Variants in MFHAS1 observed in about 807,000 individuals in gnomAD.
MFHAS1 encodes the protein malignant fibrous histiocytoma-amplified sequence 1.
A neutral mutation model predicts 70.4 loss-of-function variants in MFHAS1; 50 were observed. The observed-to-expected ratio is 0.71, with a 90% CI of 0.57 to 0.90. MFHAS1 has a LOEUF of 0.90. Among genes scored for constraint, MFHAS1 ranks in the 40% least tolerant of loss-of-function variants. MFHAS1 has a pLI of 0.00. For missense variants in MFHAS1, 1,795 were observed against 1,347.6 expected, an observed-to-expected ratio of 1.33 and a Z score of -5.20; for synonymous variants, 952 against 620.0, an observed-to-expected ratio of 1.54 and a Z score of -7.96.
rs758770393 is a variant in MFHAS1, at chr8:8,892,923, CGGCCCCGGCCCCGGGGCA to C, written c.118_135del (p.Cys40_Ala45del). ...GGGGAGGCGGGGGACTCGAGCGCGT[CGGCCCCGGCCCCGGGGCA>C]GGCCCCGGCGGCGGTAAGCGTGAGC... On this transcript the variant is annotated inframe_deletion, in exon 1 of 3. Transcript: ENST00000276282. The surrounding 1 kb of genome is among the most constrained non-coding windows in gnomAD (Gnocchi z 4.7). 30 of 1,548,956 alleles carry C rather than the reference CGGCCCCGGCCCCGGGGCA, an allele frequency of 1.9e-5. No homozygotes were observed. Among genetic ancestry groups the C allele is most frequent in the African/African-American group, 2.8e-5 (2 of 71,086 alleles).
chr8:8,810,997 G>A (rs191342984), intron 1 of MFHAS1, among the ~76,000 whole-genome samples: 86 of 152,222 alleles, frequency 5.6e-4, no homozygotes, highest in African/African-American at 1.9e-3. Flanking sequence ...AGCACCTCAA[G>A]GCCAGAAGGA....
At chr8:8,851,621 T>C (rs1004496402) in intron 1 of MFHAS1, among the ~76,000 whole-genome samples, 1 of 152,234 alleles carries the variant, frequency 6.6e-6, no homozygotes, top group African/African-American at 2.4e-5. Context: ...AGTTCTTATC[T>C]ACTGTTGCAA....
At position 8,873,542 on chromosome 8, in the gene MFHAS1, T is replaced by A. The variant is rs536520674; in HGVS notation, c.2998+16519A>T. On this transcript the variant is annotated intron_variant, in intron 1 of 2. Coordinates refer to ENST00000276282, the MANE Select transcript of MFHAS1 (RefSeq NM_004225.3). The stretch of plus-strand genomic sequence containing the variant: ...CTGGGTTACACCCACTCTTTCTTCA[T>A]CACATGTACAGAAAGGCAAAGAGTG... Among the ~76,000 whole-genome samples, 6 of 151,382 alleles carry A rather than the reference T, an allele frequency of 4.0e-5. No individual in the cohort carries two copies. The South Asian group carries it at 1.0e-3, about 26-fold the overall frequency.
intron 1 of MFHAS1, among the ~76,000 whole-genome samples, chr8:8,872,705 C>G (rs1198817058): frequency 6.6e-6 from 1 of 151,986 alleles, no homozygotes; most frequent in African/African-American, 2.4e-5. Flanking sequence ...CCTGGCCCAA[C>G]AGCCCCTAAG....
chr8:8,801,146 T>C (rs947064183), intron 1 of MFHAS1, among the ~76,000 whole-genome samples: 2 of 151,688 alleles, frequency 1.3e-5, no homozygotes, highest in African/African-American at 4.8e-5. Context: ...ACCTGGGAAG[T>C]GGAGGTTGCA....
chr8:8,793,823 T>A (rs1453740285), intron 2 of MFHAS1, among the ~76,000 whole-genome samples: 2 of 152,174 alleles, frequency 1.3e-5, no homozygotes, highest in African/African-American at 4.8e-5. Context: ...CTGGGTGGCT[T>A]CTTCTGTTTT....
chr8:8,833,944 G>A (rs1807503570), intron 1 of MFHAS1, among the ~76,000 whole-genome samples: 1 of 151,972 alleles, frequency 6.6e-6, no homozygotes, highest in Admixed American at 6.6e-5. Flanking sequence ...TGGCCAACAT[G>A]GTAAAACCCC....
chr8:8,833,107 C>T (rs1173338641), intron 1 of MFHAS1, among the ~76,000 whole-genome samples: 2 of 152,130 alleles, frequency 1.3e-5, no homozygotes, highest in Non-Finnish European at 2.9e-5. Context: ...GTGCCACACA[C>T]TTTTAAACAA....
chr8:8,816,352 C>G (rs1806745480), intron 1 of MFHAS1, among the ~76,000 whole-genome samples: 1 of 152,120 alleles, frequency 6.6e-6, no homozygotes, highest in Non-Finnish European at 1.5e-5. Context: ...ATGGTTAACC[C>G]AAAACCTAAA....
chr8:8,864,909 G>A (rs553299419), intron 1 of MFHAS1, among the ~76,000 whole-genome samples: 1 of 152,216 alleles, frequency 6.6e-6, no homozygotes, highest in South Asian at 2.1e-4. Flanking sequence ...ATTTCTTTTG[G>A]CTTTAGGTAT....
intron 1 of MFHAS1, among the ~76,000 whole-genome samples, chr8:8,884,330 T>C (rs1718341437): frequency 6.6e-6 from 1 of 152,014 alleles, no homozygotes; most frequent in African/African-American, 2.4e-5. Context: ...GGCCTATTCA[T>C]AAAAAGAAAA....
At position 8,892,851 on chromosome 8, in the gene MFHAS1, G is replaced by A; in HGVS notation, c.208C>T (p.Leu70=). 2 of 1,597,510 alleles carry A rather than the reference G, an allele frequency of 1.3e-6. No homozygotes were observed. Among genetic ancestry groups the A allele is most frequent in the African/African-American group, 2.7e-5 (2 of 74,428 alleles). Residue 70 remains leucine, a synonymous_variant, in exon 1 of 3, where the codon CTG becomes TTG. Coordinates refer to ENST00000276282, the MANE Select transcript of MFHAS1 (RefSeq NM_004225.3). This position sits in a 1 kb window ranked among gnomAD's most constrained non-coding sequence, Gnocchi z 4.7. ...ANLGDIEALN[L]GNNGLEEVPE... Reference sequence around the variant, plus strand: ...ACCTCCTCCAGGCCGTTGTTCCCCAGGTTCAGTGCCTCAATGTCCCCGAGG... The same window carrying A: ...ACCTCCTCCAGGCCGTTGTTCCCCAAGTTCAGTGCCTCAATGTCCCCGAGG...
At chr8:8,827,234 T>C (rs1411462417) in intron 1 of MFHAS1, among the ~76,000 whole-genome samples, 1 of 152,238 alleles carries the variant, frequency 6.6e-6, no homozygotes, top group East Asian at 1.9e-4. Flanking sequence ...CTAGTATAAA[T>C]GCTATTATTA....
In MFHAS1 at chr8:8,804,505, G is replaced by T. The variant is rs542198982; in HGVS notation, c.2999-7014C>A. Reference sequence around the variant, plus strand: ...TCTTAGCAGTCACAGAGTACAATCGGTAGGGTAAATAAACCAGGCCAGTTG... The same window carrying T: ...TCTTAGCAGTCACAGAGTACAATCGTTAGGGTAAATAAACCAGGCCAGTTG... On this transcript the variant is annotated intron_variant, in intron 1 of 2. Transcript: ENST00000276282. Among the ~76,000 whole-genome samples the T allele has an allele frequency of 9.7e-4, 148 of 152,330 alleles. 1 individual carries two copies. Among genetic ancestry groups the T allele is most frequent in the African/African-American group, 3.5e-3 (144 of 41,578 alleles).
At chr8:8,812,956 G>T (rs565465299) in intron 1 of MFHAS1, among the ~76,000 whole-genome samples, 1 of 152,086 alleles carries the variant, frequency 6.6e-6, no homozygotes, top group Non-Finnish European at 1.5e-5. Context: ...TAGTAGGGAC[G>T]GGGTTTCACT....
intron 1 of MFHAS1, among the ~76,000 whole-genome samples, chr8:8,852,852 C>T (rs1480207194): frequency 6.6e-6 from 1 of 152,178 alleles, no homozygotes; most frequent in Non-Finnish European, 1.5e-5. Context: ...TTGTTGTTAG[C>T]CCCGATGAGT....
intron 1 of MFHAS1, among the ~76,000 whole-genome samples, chr8:8,886,579 A>G (rs1809761110): frequency 1.3e-5 from 2 of 152,344 alleles, no homozygotes; most frequent in African/African-American, 4.8e-5. Context: ...GGACAAGGCC[A>G]AAATAGGCTT....
At chr8:8,882,099 G>C (rs573974015) in intron 1 of MFHAS1, among the ~76,000 whole-genome samples, 1 of 152,252 alleles carries the variant, frequency 6.6e-6, no homozygotes, top group East Asian at 1.9e-4. Context: ...GAACATCACA[G>C]GCCGAGCATG....
intron 1 of MFHAS1, among the ~76,000 whole-genome samples, chr8:8,889,605 G>A (rs1170204903): frequency 6.6e-6 from 1 of 152,130 alleles, no homozygotes; most frequent in East Asian, 1.9e-4. Flanking sequence ...ATGTACTCAC[G>A]AAAATTTAAG....
Sources: gnomAD v4.1 joint callset for allele counts (sites outside exome capture counted in the v4.1 genomes callset) on GRCh38, gnomAD v4.1.1 for gene constraint, Gnocchi (gnomAD v3.1) non-coding constraint, MANE v1.5 for transcripts, NCBI Gene and HGNC (gene_info 2026-07-23, HGNC 2026-07-21) for gene names.